AR: variants seen among roughly 807,000 people sequenced by gnomAD.
The protein encoded by AR is androgen receptor, also known as dihydrotestosterone receptor.
AR carries 8 observed loss-of-function variants against 53.9 expected under a neutral mutation model. The observed-to-expected ratio is 0.15, with a 90% CI of 0.09 to 0.27. The LOEUF (loss-of-function observed/expected upper bound fraction) is 0.27, where lower values mean the gene tolerates loss of function less well. AR is among the 10% of genes least tolerant of loss of function. AR has a pLI of 1.00. For synonymous variants in AR, 359 were observed against 316.4 expected (o/e 1.13, Z -1.43); for missense variants, 639 against 742.5 (o/e 0.86, Z 1.62).
At chrX:67,658,715 C>T (rs1926708299) in intron 2 of AR, among the ~76,000 whole-genome samples, 1 of 111,884 alleles carries the variant, frequency 8.9e-6, no homozygotes, top group South Asian at 3.7e-4. Context: ...CCAAAGGGGA[C>T]GTCCTGTTCC....
chrX:67,714,288 A>T (rs979101248), intron 4 of AR, among the ~76,000 whole-genome samples: 1 of 112,198 alleles, frequency 8.9e-6, no homozygotes, highest in Non-Finnish European at 1.9e-5. Flanking sequence ...TACCTTTCAA[A>T]TTGTTGTCAA....
intron 2 of AR, among the ~76,000 whole-genome samples, chrX:67,661,611 T>C (rs1926922481): frequency 8.9e-6 from 1 of 111,791 alleles, no homozygotes. Flanking sequence ...TTATTGAGGA[T>C]TTTTGCATCA....
At chrX:67,694,737 G>T in intron 3 of AR, 1 of 1,154,722 alleles carries the variant, frequency 8.7e-7, no homozygotes, top group African/African-American at 1.8e-5. Flanking sequence ...AGGCTGACTT[G>T]CCTCATTCAA....
At position 67,723,835 on chromosome X, in the gene AR, C is replaced by T. The variant is rs748271974; in HGVS notation, c.2757C>T (p.Thr919=). Residue 919 remains threonine (T), a synonymous_variant, in exon 8 of 8, where the codon ACC becomes ACT. Transcript: ENST00000374690. ...AAGTCAAGCCCATCTATTTCCACAC[C>T]CAGTGAAGCATTGGAAACCCTATTT... ...SGKVKPIYFH[T]Q is the part of the protein sequence containing the mutation. 6 of 1,210,017 alleles carry T rather than the reference C, an allele frequency of 5.0e-6. No individual in the cohort carries two copies. In the South Asian group the frequency reaches 1.1e-4, roughly 21 times the overall value.
chrX:67,635,150 T>A, intron 1 of AR, among the ~76,000 whole-genome samples: 1 of 110,945 alleles, frequency 9.0e-6, no homozygotes, highest in African/African-American at 3.3e-5. Context: ...TTTCTTATGG[T>A]AAGACAAAAG....
At chrX:67,665,965 G>T (rs758594151) in intron 2 of AR, among the ~76,000 whole-genome samples, 5 of 110,866 alleles carry the variant, frequency 4.5e-5, no homozygotes, top group South Asian at 3.8e-4. Context: ...TATGTATGAG[G>T]TACCTGAGGC....
At chrX:67,593,567 G>T (rs1277547672) in intron 1 of AR, among the ~76,000 whole-genome samples, 1 of 110,525 alleles carries the variant, frequency 9.0e-6, no homozygotes, top group Non-Finnish European at 1.9e-5. Flanking sequence ...GGCCAGGATG[G>T]TCTCGATCTC....
Position 67,725,815 on chromosome X carries a change from G to A in AR, c.*1974G>A. On this transcript the variant is annotated 3_prime_UTR_variant, in exon 8 of 8. Transcript: ENST00000374690. ...CTGGTTGGTGTGGCTCCAATACTTT[G>A]CCACCCATGAACTCAGGGTGTGCCC... 1 of 175,662 alleles carries A rather than the reference G, an allele frequency of 5.7e-6. No individual in the cohort carries two copies. 14.5% of individuals were successfully genotyped at this position (175,662 alleles called of 1,213,427 possible).
At chrX:67,556,201 G>A (rs1217494037) in intron 1 of AR, among the ~76,000 whole-genome samples, 1 of 111,692 alleles carries the variant, frequency 9.0e-6, no homozygotes, top group Non-Finnish European at 1.9e-5. Context: ...ATTGTGCAAA[G>A]AGTGGTTAAG....
intron 2 of AR, among the ~76,000 whole-genome samples, chrX:67,672,128 C>G (rs2075869285): frequency 9.0e-6 from 1 of 111,541 alleles, no homozygotes; most frequent in African/African-American, 3.3e-5. Flanking sequence ...CACCCCACCC[C>G]CACGGAGTCC....
At chrX:67,605,740 G>A (rs1923592272) in intron 1 of AR, among the ~76,000 whole-genome samples, 1 of 112,353 alleles carries the variant, frequency 8.9e-6, no homozygotes, top group African/African-American at 3.2e-5. Flanking sequence ...AGCAGAAAGA[G>A]TAACTCAGGG....
chrX:67,709,680 G>A (rs189850830), intron 3 of AR, among the ~76,000 whole-genome samples: 26 of 112,221 alleles, frequency 2.3e-4, no homozygotes, highest in Middle Eastern at 4.6e-3. Flanking sequence ...CCAGTGAGAT[G>A]AACCCGGTAC....
chrX:67,711,486 C>T lies in AR; in HGVS notation c.1970C>T (p.Thr657Ile), dbSNP rs1441175944. ...ACCACCAGCCCCACTGAGGAGACAA[C>T]CCAGAAGCTGACAGTGTCACACATT... ...SSTTSPTEET[T>I]QKLTVSHIEG... is the part of the protein sequence containing the mutation. Residue 657 changes from threonine (T) to isoleucine (I), a missense_variant, in exon 4 of 8, where the codon ACC (threonine) becomes ATC (isoleucine). Coordinates refer to ENST00000374690, the MANE Select transcript of AR (RefSeq NM_000044.6). 8.3e-7 allele frequency: 1 copy of T among 1,210,204 alleles called. No individual in the cohort carries two copies. The highest frequency in any genetic ancestry group is 1.1e-6 in the Non-Finnish European group (1 of 894,793).
At chrX:67,626,527 G>A (rs1432212869) in intron 1 of AR, among the ~76,000 whole-genome samples, 11 of 82,548 alleles carry the variant, frequency 1.3e-4, no homozygotes, top group East Asian at 4.3e-4. Context: ...TGCAAGCTCC[G>A]CCTCCCAGGT....
chrX:67,668,771 A>C (rs1353085710), intron 2 of AR, among the ~76,000 whole-genome samples: 5 of 111,055 alleles, frequency 4.5e-5, no homozygotes, highest in Non-Finnish European at 9.5e-5. Context: ...GATTTTTTTC[A>C]TGAATCAATC....
chrX:67,582,697 A>G (rs1922349604), intron 1 of AR, among the ~76,000 whole-genome samples: 1 of 111,505 alleles, frequency 9.0e-6, no homozygotes, highest in East Asian at 2.8e-4. Context: ...CTATTCCTGG[A>G]CATTATGATT....
chrX:67,695,489 C>T, intron 3 of AR: 1 of 754,179 alleles, frequency 1.3e-6, no homozygotes, highest in Non-Finnish European at 1.6e-6. Context: ...ACATGCTTCT[C>T]TTCATCAGTT....
At chrX:67,627,396 T>A (rs1259808056) in intron 1 of AR, among the ~76,000 whole-genome samples, 1 of 112,406 alleles carries the variant, frequency 8.9e-6, no homozygotes, top group Non-Finnish European at 1.9e-5. Context: ...GGTGAGCATT[T>A]TTTCATGTGT....
chrX:67,581,861 A>T (rs1014813847), intron 1 of AR, among the ~76,000 whole-genome samples: 14 of 111,164 alleles, frequency 1.3e-4, no homozygotes, highest in Non-Finnish European at 1.7e-4. Flanking sequence ...GAAATAATAG[A>T]ATTTTACAAG....
Sources: gnomAD v4.1 joint callset for allele counts (sites outside exome capture counted in the v4.1 genomes callset) on GRCh38, gnomAD v4.1.1 for gene constraint, MANE v1.5 for transcripts, NCBI Gene and HGNC (gene_info 2026-07-23, HGNC 2026-07-21) for gene names.